The following ATRNL1 variants were observed in gnomAD, a reference collection of about 807,000 sequenced individuals.
ATRNL1 encodes attractin-like protein 1.
Under a neutral mutation model 182.7 loss-of-function variants are expected in ATRNL1, and 95 were observed. That is an observed-to-expected ratio of 0.52 (90% confidence interval 0.44 to 0.62). The LOEUF is 0.62. ATRNL1 is among the 20% of genes least tolerant of loss of function. The probability of loss-of-function intolerance (pLI) is 0.00; values close to 1 mark genes in which losing one functional copy is unlikely to be tolerated. For missense variants in ATRNL1, 1,471 were observed against 1,679.5 expected, an observed-to-expected ratio of 0.88 and a Z score of 2.17; for synonymous variants, 576 against 568.3, an observed-to-expected ratio of 1.01 and a Z score of -0.19.
At chr10:115,191,113 A>T (rs943336300) in intron 8 of ATRNL1, among the ~76,000 whole-genome samples, 10 of 152,210 alleles carry the variant, frequency 6.6e-5, no homozygotes, top group Non-Finnish European at 7.4e-5. Context: ...CTTCTCATTC[A>T]TCTGTTGATG....
In ATRNL1 at chr10:115,505,474, A is replaced by G. The variant is rs138010043; in HGVS notation, c.3655-13789A>G. ...TAAGAGCTGAGACAAACTTGTCTGTATATTCTTTTGGTATTCCATAAAAAG... is the reference window on the plus strand; with the variant it reads ...TAAGAGCTGAGACAAACTTGTCTGTGTATTCTTTTGGTATTCCATAAAAAG... On this transcript the variant is annotated intron_variant, in intron 24 of 28. Coordinates refer to ENST00000355044, the MANE Select transcript of ATRNL1 (RefSeq NM_207303.4). Among the ~76,000 whole-genome samples the G allele has an allele frequency of 2.6e-3, 397 of 152,256 alleles. 1 individual carries two copies. Among genetic ancestry groups the G allele is most frequent in the African/African-American group, 9.0e-3 (373 of 41,576 alleles).
chr10:115,381,082 A>G (rs1375297010), intron 19 of ATRNL1, among the ~76,000 whole-genome samples: 1 of 152,058 alleles, frequency 6.6e-6, no homozygotes, highest in Non-Finnish European at 1.5e-5. Context: ...TAGCCCTCCC[A>G]GTATGTGTGA....
At chr10:115,515,441 A>C (rs1536648) in intron 24 of ATRNL1, among the ~76,000 whole-genome samples, 20 of 150,562 alleles carry the variant, frequency 1.3e-4, no homozygotes, top group Non-Finnish European at 2.5e-4. Context: ...CTTGGATTGC[A>C]TTTGTTAATT....
intron 9 of ATRNL1, among the ~76,000 whole-genome samples, chr10:115,237,050 G>A (rs1850217069): frequency 1.3e-5 from 2 of 152,068 alleles, no homozygotes; most frequent in African/African-American, 4.8e-5. Context: ...AGCATTTAAA[G>A]TTCCTTTATG....
chr10:115,853,781 G>A (rs1485378622), intron 28 of ATRNL1, among the ~76,000 whole-genome samples: 2 of 152,116 alleles, frequency 1.3e-5, no homozygotes, highest in Non-Finnish European at 2.9e-5. Context: ...AAGAAAAAGT[G>A]GCATTCATGG....
chr10:115,651,796 G>A (rs1013495977), intron 26 of ATRNL1, among the ~76,000 whole-genome samples: 4 of 152,038 alleles, frequency 2.6e-5, no homozygotes, highest in Admixed American at 2.6e-4. Context: ...TATGTATTTC[G>A]AAGTTGGCTT....
chr10:115,179,248 T>G (rs1308386903), intron 8 of ATRNL1, among the ~76,000 whole-genome samples: 1 of 152,182 alleles, frequency 6.6e-6, no homozygotes, highest in Non-Finnish European at 1.5e-5. Context: ...TTCCATCCTG[T>G]TTCCATGCCC....
chr10:115,169,032 T>C (rs1443987789), intron 7 of ATRNL1, among the ~76,000 whole-genome samples: 6 of 150,674 alleles, frequency 4.0e-5, no homozygotes, highest in Admixed American at 1.3e-4. Context: ...TTTTTTTTTT[T>C]TGCATGTGAC....
intron 19 of ATRNL1, among the ~76,000 whole-genome samples, chr10:115,350,680 A>G (rs1856206672): frequency 6.6e-6 from 1 of 152,154 alleles, no homozygotes; most frequent in Non-Finnish European, 1.5e-5. Flanking sequence ...GCTGTATACC[A>G]TAATTCGAAG....
At chr10:115,888,715 A>G (rs1166332578) in intron 28 of ATRNL1, among the ~76,000 whole-genome samples, 1 of 152,136 alleles carries the variant, frequency 6.6e-6, no homozygotes. Flanking sequence ...GTTGAATTTC[A>G]CCCATACCCA....
At chr10:115,467,932 C>T (rs906644584) in intron 23 of ATRNL1, among the ~76,000 whole-genome samples, 1 of 150,326 alleles carries the variant, frequency 6.7e-6, no homozygotes, top group African/African-American at 2.4e-5. Flanking sequence ...CATAAATGTG[C>T]TGGAAATTGT....
intron 27 of ATRNL1, among the ~76,000 whole-genome samples, chr10:115,765,244 A>G (rs1948829118): frequency 6.6e-6 from 1 of 152,172 alleles, no homozygotes; most frequent in Non-Finnish European, 1.5e-5. Context: ...GTACTGCCAA[A>G]CTGCCTTCCA....
chr10:115,925,495 G>A (rs1320588924), intron 28 of ATRNL1, among the ~76,000 whole-genome samples: 2 of 151,898 alleles, frequency 1.3e-5, no homozygotes, highest in African/African-American at 4.8e-5. Context: ...AACCATCAGC[G>A]TGCTGTATTC....
chr10:115,850,988 G>A (rs548904217), intron 28 of ATRNL1, among the ~76,000 whole-genome samples: 13 of 152,172 alleles, frequency 8.5e-5, no homozygotes, highest in Non-Finnish European at 1.9e-4. Flanking sequence ...TTCTCCAAAT[G>A]TTAGTGTATC....
At chr10:115,659,920 C>A (rs1320416113) in intron 26 of ATRNL1, among the ~76,000 whole-genome samples, 1 of 152,040 alleles carries the variant, frequency 6.6e-6, no homozygotes, top group South Asian at 2.1e-4. Flanking sequence ...GTCAAGAGAT[C>A]GTTCTGGAGA....
chr10:115,745,127 G>T (rs1555068815), intron 27 of ATRNL1, among the ~76,000 whole-genome samples: 6 of 151,400 alleles, frequency 4.0e-5, no homozygotes, highest in Admixed American at 6.6e-5. Context: ...TCATGAAAAT[G>T]GAACTTTTTT....
At chr10:115,554,288 T>C (rs1478940170) in intron 26 of ATRNL1, among the ~76,000 whole-genome samples, 4 of 151,650 alleles carry the variant, frequency 2.6e-5, no homozygotes, top group Non-Finnish European at 4.4e-5. Context: ...ATTTTCTTCC[T>C]TTATCCTATG....
intron 13 of ATRNL1, among the ~76,000 whole-genome samples, chr10:115,278,469 C>T (rs1852203208): frequency 6.6e-6 from 1 of 152,190 alleles, no homozygotes; most frequent in Admixed American, 6.5e-5. Flanking sequence ...CGTTTAGGAA[C>T]ATCTTGATTG....
chr10:115,573,457 G>T (rs1854526382), intron 26 of ATRNL1, among the ~76,000 whole-genome samples: 1 of 152,006 alleles, frequency 6.6e-6, no homozygotes, highest in African/African-American at 2.4e-5. Context: ...ATGGGGGCAT[G>T]GCTGGGGGTA....
Sources: allele counts gnomAD v4.1 joint callset (sites outside exome capture counted in the v4.1 genomes callset), GRCh38; gene constraint gnomAD v4.1.1; transcripts MANE v1.5; gene names NCBI Gene and HGNC (gene_info 2026-07-23, HGNC 2026-07-21).